The following NAV3 variants were observed in gnomAD, a reference collection of about 807,000 sequenced individuals.
NAV3 encodes neuron navigator 3, also known as pore membrane and/or filament interacting like protein 1.
Under a neutral mutation model 244.7 loss-of-function variants are expected in NAV3, and 87 were observed. The ratio of observed to expected loss-of-function variants is 0.36; its 90% CI spans 0.30 to 0.42. The LOEUF (loss-of-function observed/expected upper bound fraction) is 0.42, where lower values mean the gene tolerates loss of function less well. NAV3 is among the 20% of genes least tolerant of loss of function. The pLI is 1.00. For missense variants in NAV3, 2,663 were observed against 2,893.3 expected (o/e 0.92, Z 1.83); for synonymous variants, 1,126 against 1,042.2 (o/e 1.08, Z -1.55).
chr12:78,111,853 G>A (rs774710857), intron 12 of NAV3, among the ~76,000 whole-genome samples: 12 of 152,110 alleles, frequency 7.9e-5, no homozygotes, highest in Non-Finnish European at 1.5e-4. Context: ...TAATTTATAT[G>A]CATATATTCC....
intron 3 of NAV3, among the ~76,000 whole-genome samples, chr12:77,963,841 TTCCTTCCTTCCC>T (rs1341348639): frequency 6.0e-5 from 9 of 150,220 alleles, no homozygotes; most frequent in African/African-American, 2.2e-4. Flanking sequence ...CCTTCCTTCC[TTCCTTCCTTCCC>T]TCCCTCCCTC....
intron 12 of NAV3, among the ~76,000 whole-genome samples, chr12:78,106,608 G>T (rs1007164348): frequency 2.6e-5 from 4 of 152,186 alleles, no homozygotes; most frequent in Admixed American, 2.6e-4. Context: ...GCCAACACCA[G>T]CATGGACTGT....
intron 1 of NAV3, among the ~76,000 whole-genome samples, chr12:77,882,602 C>T (rs554630068): frequency 6.6e-6 from 1 of 152,198 alleles, no homozygotes; most frequent in South Asian, 2.1e-4. Context: ...AACTAAAGAC[C>T]TTCTGCACAT....
intron 20 of NAV3, 149 bp downstream of exon 20, chr12:78,140,483 A>G: frequency 1.5e-6 from 1 of 685,262 alleles, no homozygotes; most frequent in Non-Finnish European, 2.5e-6. Context: ...GCTGCCCAAT[A>G]CCCAATAAAG....
intron 20 of NAV3, among the ~76,000 whole-genome samples, chr12:78,142,338 G>A (rs970455649): frequency 1.3e-5 from 2 of 152,008 alleles, no homozygotes; most frequent in East Asian, 1.9e-4. Context: ...CCAGTGTCCA[G>A]TAGACCTTTC....
intron 5 of NAV3, among the ~76,000 whole-genome samples, chr12:77,985,905 C>T (rs1870424029): frequency 6.6e-6 from 1 of 152,142 alleles, no homozygotes; most frequent in South Asian, 2.1e-4. Flanking sequence ...CTTCCTCACT[C>T]TTACATATCT....
At chr12:78,015,985 T>A (rs557795606) in intron 8 of NAV3, among the ~76,000 whole-genome samples, 1 of 152,230 alleles carries the variant, frequency 6.6e-6, no homozygotes, top group East Asian at 1.9e-4. Context: ...CTTTGATGCT[T>A]AATTTTCCAA....
chr12:77,728,368 G>T (rs1477923922), intron 2 of NAV3, among the ~76,000 whole-genome samples: 1 of 151,948 alleles, frequency 6.6e-6, no homozygotes, highest in Non-Finnish European at 1.5e-5. Context: ...GGTCACACTT[G>T]CAAGAGTGTG....
intron 36 of NAV3, 175 bp from the exon 37 acceptor site, chr12:78,199,160 C>A: frequency 1.5e-6 from 1 of 686,750 alleles, no homozygotes; most frequent in Non-Finnish European, 2.6e-6. Context: ...TAGCTCTCAT[C>A]CTAGTAGACC....
rs2138518943 is a variant in NAV3 at position 78,116,859 on chromosome 12, C to A, written c.2724C>A (p.Val908=). The part of the protein sequence containing the change: ...STDDLNTTSS[V]SSYSNITVPS... ...ATGACCTGAACACCACATCCTCTGT[C>A]AGCTCTTACTCCAACATCACCGTCC... is the stretch of plus-strand genomic sequence containing the variant. The change falls in exon 13 of 40, where the codon GTC becomes GTA. Residue 908 remains valine (V), a synonymous_variant. Transcript: ENST00000397909. 1.2e-6 allele frequency: 2 copies of A among 1,613,560 alleles called. No homozygotes were observed. Among genetic ancestry groups the A allele is most frequent in the Non-Finnish European group, 1.7e-6 (2 of 1,179,670 alleles).
chr12:77,658,030 C>A (rs1873209755), intron 2 of NAV3, among the ~76,000 whole-genome samples: 1 of 151,480 alleles, frequency 6.6e-6, no homozygotes, highest in Admixed American at 6.6e-5. Flanking sequence ...TGGAAGCATT[C>A]CCTTTGAAAA....
chr12:77,801,444 A>C (rs962876363), intron 2 of NAV3, among the ~76,000 whole-genome samples: 4 of 152,032 alleles, frequency 2.6e-5, no homozygotes, highest in Non-Finnish European at 4.4e-5. Context: ...ATACATGCTG[A>C]GAAAGAGGGG....
intron 1 of NAV3, among the ~76,000 whole-genome samples, chr12:77,873,773 T>TATATATATATATATAAAA (rs762527287): frequency 1.4e-4 from 18 of 128,622 alleles, no homozygotes; most frequent in African/African-American, 4.9e-4. Flanking sequence ...TATATGTATA[T>TATATATATATATATAAAA]AACAGCATAT....
At chr12:77,651,101 G>A (rs933160628) in intron 2 of NAV3, among the ~76,000 whole-genome samples, 7 of 151,948 alleles carry the variant, frequency 4.6e-5, no homozygotes, top group African/African-American at 1.7e-4. Context: ...ACATCATCAT[G>A]AAAAATGTGT....
At chr12:77,791,433 A>G (rs1871170656) in intron 2 of NAV3, among the ~76,000 whole-genome samples, 2 of 152,132 alleles carry the variant, frequency 1.3e-5, no homozygotes, top group South Asian at 4.2e-4. Flanking sequence ...GGCCCTAATG[A>G]TAAAATAGGG....
chr12:77,863,965 T>C (rs1037636039), intron 1 of NAV3, among the ~76,000 whole-genome samples: 2 of 151,844 alleles, frequency 1.3e-5, no homozygotes, highest in Non-Finnish European at 3.0e-5. Flanking sequence ...ATCTCCAATT[T>C]CTCAAACACT....
intron 1 of NAV3, among the ~76,000 whole-genome samples, chr12:77,892,799 C>T (rs1409741751): frequency 1.3e-5 from 2 of 152,104 alleles, no homozygotes; most frequent in Non-Finnish European, 2.9e-5. Flanking sequence ...ACGTCATTTC[C>T]TTGATCTCAA....
At chr12:78,094,961 C>T (rs573332196) in intron 12 of NAV3, among the ~76,000 whole-genome samples, 12 of 151,310 alleles carry the variant, frequency 7.9e-5, no homozygotes, top group East Asian at 3.9e-4. Flanking sequence ...GCAGGAGAAT[C>T]GCTTGAACCC....
intron 2 of NAV3, among the ~76,000 whole-genome samples, chr12:77,621,477 CTTTT>C (rs1217567447): frequency 2.2e-5 from 3 of 135,024 alleles, no homozygotes; most frequent in African/African-American, 5.6e-5. Context: ...TTTCTCTTCT[CTTTT>C]TTTTTTTTTT....
Sources: allele counts gnomAD v4.1 joint callset (sites outside exome capture counted in the v4.1 genomes callset), GRCh38; gene constraint gnomAD v4.1.1; transcripts MANE v1.5; gene names NCBI Gene and HGNC (gene_info 2026-07-23, HGNC 2026-07-21).